The following MYO9A variants were observed in gnomAD, a reference collection of about 807,000 sequenced individuals.
MYO9A encodes the protein myosin IXA, also known as unconventional myosin-IXa.
In MYO9A, 103 loss-of-function variants were observed where a neutral mutation model predicts 293.3. The observed-to-expected ratio is 0.35, with a 90% CI of 0.30 to 0.41. MYO9A has a LOEUF of 0.41. Ranked by LOEUF, MYO9A falls within the 10% of genes least tolerant of loss-of-function variation. MYO9A has a pLI of 1.00. For synonymous variants in MYO9A, 1,001 were observed against 1,035.7 expected (o/e 0.97, Z 0.64); for missense variants, 2,685 against 3,033.0 (o/e 0.89, Z 2.69).
intron 1 of MYO9A, among the ~76,000 whole-genome samples, chr15:72,107,880 GA>G (rs2080631510): frequency 6.7e-6 from 1 of 150,004 alleles, no homozygotes; most frequent in African/African-American, 2.4e-5. Flanking sequence ...TACTATTGTA[GA>G]TGACTATTAC....
intron 13 of MYO9A, among the ~76,000 whole-genome samples, chr15:71,965,325 A>AT (rs941221164): frequency 2.8e-4 from 43 of 152,124 alleles, no homozygotes; most frequent in African/African-American, 8.4e-4. Context: ...AAAATCTATA[A>AT]TTTTTTCTTT....
At chr15:72,101,801 C>A (rs1414069940) in intron 1 of MYO9A, among the ~76,000 whole-genome samples, 1 of 146,764 alleles carries the variant, frequency 6.8e-6, no homozygotes, top group Non-Finnish European at 1.5e-5. Flanking sequence ...CCAGCCGCCC[C>A]GTCCGGGAGG....
Position 72,032,532 on chromosome 15 carries a change from A to C in MYO9A, c.897T>G (p.Phe299Leu). The C allele has an allele frequency of 6.2e-7, 1 of 1,609,646 alleles. No homozygotes were observed. The highest frequency in any genetic ancestry group is 8.5e-7 in the Non-Finnish European group (1 of 1,178,192). ...HNNNSSRFGK[F>L]IQVNYQETGT... ...CTGTTTCCTGGTAATTTACTTGAAT[A>C]AACTTCCCAAAACGACTTGAATTGT... The change falls in exon 3 of 42, where the codon TTT becomes TTG. Residue 299 changes from phenylalanine (F) to leucine (L), a missense_variant. Transcript: ENST00000356056.
chr15:71,836,767 A>C (rs1427067446), intron 39 of MYO9A, among the ~76,000 whole-genome samples: 4 of 152,108 alleles, frequency 2.6e-5, no homozygotes, highest in East Asian at 1.9e-4. Flanking sequence ...GCAAAACTAC[A>C]GTGCTCAGGG....
intron 1 of MYO9A, among the ~76,000 whole-genome samples, chr15:72,058,105 G>A (rs2078772528): frequency 6.6e-6 from 1 of 152,078 alleles, no homozygotes. Flanking sequence ...CAAACTTTAG[G>A]AAACAAACAG....
intron 11 of MYO9A, among the ~76,000 whole-genome samples, chr15:71,978,765 T>C (rs1247641139): frequency 7.6e-6 from 1 of 130,860 alleles, no homozygotes; most frequent in Non-Finnish European, 1.6e-5. Flanking sequence ...TGGCAAAATA[T>C]AATCTTTAGG....
intron 1 of MYO9A, among the ~76,000 whole-genome samples, chr15:72,083,161 G>A (rs1400995080): frequency 6.6e-6 from 1 of 151,914 alleles, no homozygotes; most frequent in East Asian, 1.9e-4. Flanking sequence ...GGGCTTTTTT[G>A]CTCGATGGGC....
At position 72,045,704 on chromosome 15, in the gene MYO9A, T is replaced by C; in HGVS notation, c.840+20A>G. 1 of 1,544,684 alleles carries C rather than the reference T, an allele frequency of 6.5e-7. No homozygotes were observed. The highest frequency in any genetic ancestry group is 8.7e-7 in the Non-Finnish European group (1 of 1,151,934). ...TAAAAATCAAAATTAAAATCAAAAA[T>C]AAGATTTCTATATATTTACCTCAAG... is the stretch of plus-strand genomic sequence containing the variant. On this transcript the variant is annotated intron_variant, in intron 2 of 41. Coordinates refer to ENST00000356056, the MANE Select transcript of MYO9A (RefSeq NM_006901.4).
chr15:71,830,921 G>T (rs1303730375), intron 39 of MYO9A, among the ~76,000 whole-genome samples: 1 of 149,330 alleles, frequency 6.7e-6, no homozygotes, highest in Admixed American at 6.7e-5. Flanking sequence ...TATTTTCTTA[G>T]GAAACTTCTA....
chr15:72,082,114 C>T (rs1376669938), intron 1 of MYO9A, among the ~76,000 whole-genome samples: 1 of 152,094 alleles, frequency 6.6e-6, no homozygotes, highest in African/African-American at 2.4e-5. Flanking sequence ...CGATAAACTG[C>T]TTTGTGTAGT....
intron 3 of MYO9A, among the ~76,000 whole-genome samples, 193 bp from the exon 4 acceptor site, chr15:72,027,986 T>G (rs756846311): frequency 2.6e-5 from 4 of 151,492 alleles, no homozygotes; most frequent in Non-Finnish European, 5.9e-5. Context: ...TCACCTGAGG[T>G]CAGGAGTTCA....
At chr15:71,901,844 GA>G (rs34476136) in intron 22 of MYO9A, among the ~76,000 whole-genome samples, 1 of 152,060 alleles carries the variant, frequency 6.6e-6, no homozygotes. Flanking sequence ...TTGGGATGGG[GA>G]AAAAAGTTGA....
chr15:71,878,850 G>A lies in MYO9A; in HGVS notation c.5740-619C>T, dbSNP rs950897735. 2.7e-5 allele frequency among the ~76,000 whole-genome samples: 4 copies of A among 148,644 alleles called. No homozygotes were observed. In the Admixed American group the frequency reaches 2.8e-4, roughly 10 times the overall value. ...CAACCTCCACCTCAAGCTATTGAAT[G>A]GGTTCAAGCCATTCTCCTGCCTCAG... On this transcript the variant is annotated intron_variant, in intron 30 of 41. Coordinates refer to ENST00000356056, the MANE Select transcript of MYO9A (RefSeq NM_006901.4).
chr15:71,872,865 T>C (rs1023577116), intron 32 of MYO9A, among the ~76,000 whole-genome samples: 1 of 152,026 alleles, frequency 6.6e-6, no homozygotes, highest in African/African-American at 2.4e-5. Context: ...ACTTTTTTTC[T>C]TTTTTTGCAC....
intron 1 of MYO9A, among the ~76,000 whole-genome samples, chr15:72,097,787 G>A (rs1473951398): frequency 3.3e-5 from 5 of 152,128 alleles, no homozygotes; most frequent in Non-Finnish European, 5.9e-5. Context: ...GCGTGCGCCT[G>A]TAGTCTCAGC....
chr15:71,925,409 A>C (rs1316057389), intron 18 of MYO9A, among the ~76,000 whole-genome samples: 1 of 151,016 alleles, frequency 6.6e-6, no homozygotes, highest in East Asian at 1.9e-4. Context: ...ACGTATATAC[A>C]TATCTATGTA....
chr15:72,055,857 T>C (rs2078704833), intron 1 of MYO9A, among the ~76,000 whole-genome samples: 1 of 152,196 alleles, frequency 6.6e-6, no homozygotes, highest in African/African-American at 2.4e-5. Flanking sequence ...ACTTTGACAC[T>C]GATGGTAGGA....
rs1009683196 is a variant in MYO9A at position 72,017,341 on chromosome 15, T to C, written c.1155+1698A>G. ...AAATTCTTAAGTATTACTTAGACTA[T>C]CTCTGAAAAGTAGCAGATCAGTTCA... is the stretch of plus-strand genomic sequence containing the variant. On this transcript the variant is annotated intron_variant, in intron 6 of 41. Transcript: ENST00000356056. Among the ~76,000 whole-genome samples, 14 of 152,268 alleles carry C rather than the reference T, an allele frequency of 9.2e-5. No individual in the cohort carries two copies. In the South Asian group the frequency reaches 1.0e-3, roughly 11 times the overall value.
intron 19 of MYO9A, among the ~76,000 whole-genome samples, chr15:71,914,146 C>T (rs1211984048): frequency 6.6e-6 from 1 of 152,112 alleles, no homozygotes; most frequent in African/African-American, 2.4e-5. Flanking sequence ...GTTGCCTCTA[C>T]CTTTCTATCT....
Sources: gnomAD v4.1 joint callset for allele counts (sites outside exome capture counted in the v4.1 genomes callset) on GRCh38, gnomAD v4.1.1 for gene constraint, MANE v1.5 for transcripts, NCBI Gene and HGNC (gene_info 2026-07-23, HGNC 2026-07-21) for gene names.